The following OMA1 variants were observed in gnomAD, a reference collection of about 807,000 sequenced individuals.
OMA1 encodes metalloendopeptidase OMA1, mitochondrial.
A neutral mutation model predicts 30.9 loss-of-function variants in OMA1; 38 were observed. The ratio of observed to expected loss-of-function variants is 1.23; its 90% CI spans 0.95 to 1.61. OMA1 has a LOEUF of 1.61. Ranked by LOEUF, OMA1 falls within the 40% of genes most tolerant of loss-of-function variation. The pLI, the probability that OMA1 is intolerant of heterozygous loss-of-function variation, is 0.00. For synonymous variants in OMA1, 173 were observed against 121.9 expected, an observed-to-expected ratio of 1.42 and a Z score of -2.76; for missense variants, 461 against 349.2, an observed-to-expected ratio of 1.32 and a Z score of -2.55.
At chr1:58,508,979 T>C (rs1027965464) in intron 7 of OMA1, among the ~76,000 whole-genome samples, 4 of 152,100 alleles carry the variant, frequency 2.6e-5, no homozygotes, top group African/African-American at 9.7e-5. Context: ...GACAGGACCC[T>C]AGACACCTAG....
At chr1:58,514,881 C>T (rs1244975113) in intron 7 of OMA1, among the ~76,000 whole-genome samples, 1 of 152,176 alleles carries the variant, frequency 6.6e-6, no homozygotes, top group Non-Finnish European at 1.5e-5. Flanking sequence ...ACCTTACTGT[C>T]TATGAGAGCT....
intron 8 of OMA1, among the ~76,000 whole-genome samples, chr1:58,495,837 A>T (rs1645791450): frequency 6.6e-6 from 1 of 152,220 alleles, no homozygotes; most frequent in African/African-American, 2.4e-5. Flanking sequence ...GGAGGAAAGA[A>T]ATATCTTCCT....
In OMA1 at chr1:58,539,083, T is replaced by C. The variant is rs1228996599; in HGVS notation, c.212A>G (p.Tyr71Cys). Residue 71 changes from tyrosine to cysteine, a missense_variant, in exon 2 of 9, where the codon TAT becomes TGT. Coordinates refer to ENST00000371226, the MANE Select transcript of OMA1 (RefSeq NM_145243.5). ...TGTTCTTTTGTTGTTAAAAGTACTATAAAAATGAAAGTTTCCAGGCAGAAA... is the reference window on the plus strand; with the variant it reads ...TGTTCTTTTGTTGTTAAAAGTACTACAAAAATGAAAGTTTCCAGGCAGAAA... ...WSFLPGNFHF[Y>C]STFNNKRTGG... 4 of 872,848 alleles carry C rather than the reference T, an allele frequency of 4.6e-6. No homozygotes were observed. Among genetic ancestry groups the C allele is most frequent in the South Asian group, 2.6e-5 (2 of 76,540 alleles). 54.1% of individuals were successfully genotyped at this position (872,848 alleles called of 1,614,324 possible). A position where few individuals can be genotyped will look rare whatever the true frequency, so the allele number is the denominator to read the frequency against.
chr1:58,527,480 G>A, intron 6 of OMA1, 145 bp from the exon 7 acceptor site: 1 of 573,744 alleles, frequency 1.7e-6, no homozygotes, highest in Non-Finnish European at 3.1e-6. Context: ...ATAACTCCAT[G>A]ATATAAAATA....
At chr1:58,525,217 A>AT (rs1646330883) in intron 7 of OMA1, among the ~76,000 whole-genome samples, 1 of 152,030 alleles carries the variant, frequency 6.6e-6, no homozygotes, top group African/African-American at 2.4e-5. Context: ...CCTTTTCTTA[A>AT]TTTTTTCAAT....
chr1:58,534,253 G>A lies in OMA1; in HGVS notation c.808C>T (p.Leu270=), dbSNP rs1646481756. 1 of 871,544 alleles carries A rather than the reference G, an allele frequency of 1.1e-6. No homozygotes were observed. The highest frequency in any genetic ancestry group is 1.3e-5 in the South Asian group (1 of 76,116). 54.0% of individuals were successfully genotyped at this position (871,544 alleles called of 1,614,324 possible). ...GGAACATCTTTATTGCATTCAATTA[G>A]ATGACAAAGCACTTCTTTAACAGCC... ...YLAVKEVLCH[L]IECNKDVPGI... Residue 270 remains leucine (L), a synonymous_variant, in exon 4 of 9, where the codon CTA becomes TTA. Transcript: ENST00000371226.
intron 8 of OMA1, among the ~76,000 whole-genome samples, chr1:58,485,707 T>C (rs1645565792): frequency 6.6e-6 from 1 of 152,122 alleles, no homozygotes; most frequent in Non-Finnish European, 1.5e-5. Context: ...TCTTCATCTC[T>C]TCAAAAGTGA....
chr1:58,522,198 A>G (rs1242406841), intron 7 of OMA1, among the ~76,000 whole-genome samples: 1 of 152,190 alleles, frequency 6.6e-6, no homozygotes, highest in Non-Finnish European at 1.5e-5. Flanking sequence ...CATCAGGAAG[A>G]ATAGCTAATG....
intron 8 of OMA1, among the ~76,000 whole-genome samples, chr1:58,486,459 CT>C (rs920144561): frequency 2.8e-4 from 43 of 152,162 alleles, no homozygotes; most frequent in Admixed American, 2.0e-3. Context: ...AGTGGAAGGA[CT>C]GTTCAATTCT....
chr1:58,509,667 TAAAG>T (rs978699925), intron 7 of OMA1, among the ~76,000 whole-genome samples: 112 of 133,004 alleles, frequency 8.4e-4, no homozygotes, highest in African/African-American at 2.8e-3. Context: ...AGAGCATAAA[TAAAG>T]AAAACAGAGA....
At chr1:58,519,126 T>C (rs1646220155) in intron 7 of OMA1, among the ~76,000 whole-genome samples, 1 of 152,120 alleles carries the variant, frequency 6.6e-6, no homozygotes, top group East Asian at 1.9e-4. Flanking sequence ...GAAAGAAAGG[T>C]TGAGGTATAA....
chr1:58,484,831 A>G (rs1234412780), intron 8 of OMA1, among the ~76,000 whole-genome samples: 1 of 152,158 alleles, frequency 6.6e-6, no homozygotes, highest in Non-Finnish European at 1.5e-5. Flanking sequence ...CATGATTCCA[A>G]CTATATGATA....
Position 58,534,306 on chromosome 1 carries a change from A to G in OMA1, c.755T>C (p.Met252Thr), listed in dbSNP as rs140683681. 9.5e-4 allele frequency: 813 copies of G among 856,292 alleles called. 11 individuals carry two copies. Among genetic ancestry groups the G allele is most frequent in the South Asian group, 5.8e-3 (420 of 72,392 alleles). 53.0% of individuals were successfully genotyped at this position (856,292 alleles called of 1,614,324 possible). A position where few individuals can be genotyped will look rare whatever the true frequency, so the allele number is the denominator to read the frequency against. Residue 252 changes from methionine to threonine, a missense_variant, in exon 4 of 9, where the codon ATG (methionine) becomes ACG (threonine). Coordinates refer to ENST00000371226, the MANE Select transcript of OMA1 (RefSeq NM_145243.5). ...EAWMEEFKND[M>T]LTEKDARYLA... ...GTATCGGGCATCTTTCTCAGTTAGC[A>G]TATCATTTTTAAATTCTTCCATCCA...
chr1:58,528,199 C>G (rs1419911300), intron 6 of OMA1, among the ~76,000 whole-genome samples: 1 of 152,338 alleles, frequency 6.6e-6, no homozygotes, highest in East Asian at 1.9e-4. Context: ...CATGAGCAGG[C>G]TGCATGTGCC....
intron 7 of OMA1, among the ~76,000 whole-genome samples, chr1:58,522,729 T>C (rs1646284611): frequency 6.6e-6 from 1 of 152,218 alleles, no homozygotes; most frequent in South Asian, 2.1e-4. Context: ...ACATGTTTTG[T>C]ATGTTATATG....
At chr1:58,492,948 G>GA (rs1645725147) in intron 8 of OMA1, among the ~76,000 whole-genome samples, 4 of 152,060 alleles carry the variant, frequency 2.6e-5, no homozygotes, top group Non-Finnish European at 5.9e-5. Flanking sequence ...CCAAAGCCTG[G>GA]CAGAGACACA....
intron 7 of OMA1, among the ~76,000 whole-genome samples, chr1:58,512,110 A>C (rs1027512746): frequency 1.3e-5 from 2 of 152,204 alleles, no homozygotes; most frequent in Non-Finnish European, 1.5e-5. Flanking sequence ...ACATTTCTTC[A>C]AAAAAGACAT....
At chr1:58,541,293 CAAAAAAAA>C (rs71043292) in intron 1 of OMA1, among the ~76,000 whole-genome samples, 6 of 27,558 alleles carry the variant, frequency 2.2e-4, no homozygotes, top group Admixed American at 8.1e-4. Context: ...GACTCTGTCT[CAAAAAAAA>C]AAAAAAAAAA....
intron 8 of OMA1, among the ~76,000 whole-genome samples, chr1:58,484,156 G>A (rs1452908375): frequency 1.3e-5 from 2 of 152,182 alleles, no homozygotes; most frequent in African/African-American, 2.4e-5. Context: ...ACATTGGTCA[G>A]AATAGTCATG....
Sources: gnomAD v4.1 joint callset for allele counts (sites outside exome capture counted in the v4.1 genomes callset) on GRCh38, gnomAD v4.1.1 for gene constraint, MANE v1.5 for transcripts, NCBI Gene and HGNC (gene_info 2026-07-23, HGNC 2026-07-21) for gene names.